Variants in ME1 observed in about 807,000 individuals in gnomAD.
ME1 encodes the protein malic enzyme 1.
ME1 carries 74 observed loss-of-function variants against 66.4 expected under a neutral mutation model. That is an observed-to-expected ratio of 1.11 (90% confidence interval 0.92 to 1.35). The LOEUF (loss-of-function observed/expected upper bound fraction) is 1.35. Among genes scored for constraint, ME1 ranks in the 40% most tolerant of loss-of-function variants. The probability of loss-of-function intolerance (pLI) is 0.00; values close to 1 mark genes in which losing one functional copy is unlikely to be tolerated. For missense variants in ME1, 750 were observed against 694.1 expected, an observed-to-expected ratio of 1.08 and a Z score of -0.90; for synonymous variants, 251 against 235.6, an observed-to-expected ratio of 1.07 and a Z score of -0.60.
intron 4 of ME1, among the ~76,000 whole-genome samples, chr6:83,351,015 A>G (rs1768792596): frequency 6.6e-6 from 1 of 151,402 alleles, no homozygotes; most frequent in Non-Finnish European, 1.5e-5. Context: ...GGACACTGGA[A>G]ATAATAAAAA....
intron 13 of ME1, among the ~76,000 whole-genome samples, chr6:83,215,424 G>A (rs945991986): frequency 6.6e-6 from 1 of 152,166 alleles, no homozygotes. Context: ...TGTCCACAAC[G>A]CTGAAGTAGA....
intron 13 of ME1, among the ~76,000 whole-genome samples, chr6:83,215,470 C>T (rs1309715894): frequency 1.3e-5 from 2 of 152,172 alleles, no homozygotes; most frequent in Non-Finnish European, 2.9e-5. Flanking sequence ...ACTGTCATGG[C>T]TAAACTGTGT....
intron 6 of ME1, among the ~76,000 whole-genome samples, chr6:83,312,105 G>A (rs1448011007): frequency 2.0e-5 from 3 of 152,086 alleles, no homozygotes; most frequent in Non-Finnish European, 4.4e-5. Context: ...CAAGAATACA[G>A]GGTAATAATC....
chr6:83,340,944 C>G (rs1469427082), intron 5 of ME1, among the ~76,000 whole-genome samples: 1 of 151,896 alleles, frequency 6.6e-6, no homozygotes, highest in Non-Finnish European at 1.5e-5. Flanking sequence ...ACTCTGGTGA[C>G]AGTTGACAAG....
chr6:83,345,720 C>T (rs1263398868), intron 5 of ME1, among the ~76,000 whole-genome samples: 1 of 152,022 alleles, frequency 6.6e-6, no homozygotes, highest in Admixed American at 6.6e-5. Flanking sequence ...TACTTAACAT[C>T]TGACTTTAAG....
chr6:83,413,619 G>T (rs1419179466), intron 1 of ME1, among the ~76,000 whole-genome samples: 2 of 151,826 alleles, frequency 1.3e-5, no homozygotes, highest in Non-Finnish European at 2.9e-5. Context: ...ATAAAATTGA[G>T]CTTGTTTTAA....
At chr6:83,388,139 G>C (rs1937783) in intron 3 of ME1, among the ~76,000 whole-genome samples, 45,499 of 146,954 alleles carry the variant, frequency 0.31, 7,446 homozygotes, top group Middle Eastern at 0.49. Flanking sequence ...GCTAGAAAGA[G>C]TGCAGTGGTG....
chr6:83,354,943 A>G (rs1768861181), intron 3 of ME1, among the ~76,000 whole-genome samples: 1 of 152,212 alleles, frequency 6.6e-6, no homozygotes. Context: ...TAAGTAACCC[A>G]AAATTACGTC....
intron 3 of ME1, among the ~76,000 whole-genome samples, chr6:83,381,945 T>C (rs1769408483): frequency 6.6e-6 from 1 of 152,134 alleles, no homozygotes; most frequent in Admixed American, 6.6e-5. Context: ...ATGAGACTGC[T>C]GTCTACCTCA....
chr6:83,237,783 T>C lies in ME1; in HGVS notation c.960A>G (p.Glu320=). The change falls in exon 9 of 14, where the codon GAA becomes GAG. Residue 320 remains glutamate, a synonymous_variant. Coordinates refer to ENST00000369705, the MANE Select transcript of ME1 (RefSeq NM_002395.6). ...AHLIVMALEK[E]GLPKEKAIKK... ...TGATGGCTTTCTCTTTTGGTAAACC[T>C]TCTTTTTCCAAGGCCATCACAATCA... 6.2e-7 allele frequency: 1 copy of C among 1,608,664 alleles called. No individual in the cohort carries two copies. The highest frequency in any genetic ancestry group is 8.5e-7 in the Non-Finnish European group (1 of 1,177,340).
intron 3 of ME1, among the ~76,000 whole-genome samples, chr6:83,382,700 T>C (rs1353822127): frequency 6.6e-6 from 1 of 151,952 alleles, no homozygotes; most frequent in Non-Finnish European, 1.5e-5. Flanking sequence ...TATTAATCAA[T>C]AGGGAAAGGT....
At chr6:83,422,653 A>C (rs1402813297) in intron 1 of ME1, among the ~76,000 whole-genome samples, 1 of 152,196 alleles carries the variant, frequency 6.6e-6, no homozygotes, top group Non-Finnish European at 1.5e-5. Flanking sequence ...TAAAAGCTAT[A>C]CCAAATGGAA....
At chr6:83,364,524 G>A (rs954662397) in intron 3 of ME1, among the ~76,000 whole-genome samples, 1 of 152,094 alleles carries the variant, frequency 6.6e-6, no homozygotes, top group African/African-American at 2.4e-5. Context: ...GCACAGCCCT[G>A]GAGTCAGCAA....
At chr6:83,408,769 G>C (rs1256124470) in intron 1 of ME1, among the ~76,000 whole-genome samples, 1 of 152,140 alleles carries the variant, frequency 6.6e-6, no homozygotes, top group African/African-American at 2.4e-5. Context: ...TGGTAGATTG[G>C]GATAAGGAGT....
chr6:83,420,019 T>A (rs751577338), intron 1 of ME1, among the ~76,000 whole-genome samples: 20 of 152,226 alleles, frequency 1.3e-4, no homozygotes, highest in South Asian at 6.2e-4. Context: ...CAGGCCTTCT[T>A]GTAATTCTCT....
At chr6:83,307,234 A>C (rs549966341) in intron 6 of ME1, among the ~76,000 whole-genome samples, 106 of 152,220 alleles carry the variant, frequency 7.0e-4, no homozygotes, top group African/African-American at 2.5e-3. Flanking sequence ...TTGAAAAAAA[A>C]AAGTAGAGAG....
intron 9 of ME1, among the ~76,000 whole-genome samples, chr6:83,230,291 C>T (rs186191430): frequency 1.4e-4 from 21 of 152,244 alleles, no homozygotes; most frequent in African/African-American, 5.1e-4. Flanking sequence ...ATTCTCCTGC[C>T]TCAGCCTTCC....
intron 9 of ME1, among the ~76,000 whole-genome samples, chr6:83,233,329 A>T (rs193286763): frequency 6.6e-6 from 1 of 152,242 alleles, no homozygotes; most frequent in Admixed American, 6.5e-5. Context: ...CACTATAAAA[A>T]ACTAAAGCAT....
chr6:83,223,925 T>G lies in ME1; in HGVS notation c.1284A>C (p.Ala428=), dbSNP rs1450186530. ...CAAAAGGACTGCCACTGGCAAAAATTGCACGTCCCTACAACAAAGACACAT... is the reference window on the plus strand; with the variant it reads ...CAAAAGGACTGCCACTGGCAAAAATGGCACGTCCCTACAACAAAGACACAT... ...EQCYKITKGR[A]IFASGSPFDP... The change falls in exon 12 of 14, where the codon GCA becomes GCC. Residue 428 remains alanine, a synonymous_variant. Coordinates refer to ENST00000369705, the MANE Select transcript of ME1 (RefSeq NM_002395.6). The G allele has an allele frequency of 1.2e-6, 2 of 1,613,720 alleles. No homozygotes were observed. Among genetic ancestry groups the G allele is most frequent in the Admixed American group, 1.7e-5 (1 of 59,952 alleles).
Sources: gnomAD v4.1 joint callset for allele counts (sites outside exome capture counted in the v4.1 genomes callset) on GRCh38, gnomAD v4.1.1 for gene constraint, MANE v1.5 for transcripts, NCBI Gene and HGNC (gene_info 2026-07-23, HGNC 2026-07-21) for gene names.